MPIG6B: variants seen among roughly 807,000 people sequenced by gnomAD.
MPIG6B encodes immunoglobulin receptor.
MPIG6B carries 22 observed loss-of-function variants against 24.2 expected under a neutral mutation model. The ratio of observed to expected loss-of-function variants is 0.91; its 90% CI spans 0.65 to 1.30. The LOEUF (loss-of-function observed/expected upper bound fraction) is 1.30, where lower values mean the gene tolerates loss of function less well. Ranked by LOEUF, MPIG6B falls within the 50% of genes most tolerant of loss-of-function variation. MPIG6B has a pLI of 0.00. For synonymous variants in MPIG6B, 136 were observed against 142.0 expected (o/e 0.96, Z 0.30); for missense variants, 301 against 318.5 (o/e 0.94, Z 0.42).
chr6:31,724,529 C>A (rs1807158975), intron 3 of MPIG6B, 58 bp from the exon 4 acceptor site: 2 of 1,476,062 alleles, frequency 1.4e-6, no homozygotes, highest in Non-Finnish European at 1.9e-6. Flanking sequence ...GTGGCGAGTC[C>A]CAGGAGAACC....
rs144674065 is a variant in MPIG6B, at chr6:31,724,598, C to G, written c.512C>G (p.Pro171Arg). ...LVWWLHRRLP[P>R]QPIRPLPRFA... is the part of the protein sequence containing the mutation. ...TATGTCCCTTACAGGCGCCTGCCCC[C>G]GCAACCGATTCGACCACTCCCTAGA... Residue 171 changes from proline (P) to arginine (R), a missense_variant, in exon 4 of 6, where the codon CCG (proline) becomes CGG (arginine). Coordinates refer to ENST00000649779, the MANE Select transcript of MPIG6B (RefSeq NM_138272.3). 2.3e-5 allele frequency: 37 copies of G among 1,613,754 alleles called. No individual in the cohort carries two copies. The highest frequency in any genetic ancestry group is 2.1e-4 in the African/African-American group (16 of 74,906).
upstream of MPIG6B, among the ~76,000 whole-genome samples, chr6:31,721,234 G>A (rs1035620026): frequency 6.6e-6 from 1 of 152,130 alleles, no homozygotes; most frequent in African/African-American, 2.4e-5. Context: ...GTCTTCGAGA[G>A]GACACCTTAC....
upstream of MPIG6B, chr6:31,723,086 G>A (rs1014571805): frequency 6.1e-6 from 3 of 492,850 alleles, no homozygotes; most frequent in African/African-American, 3.9e-5. This position sits in a 1 kb window ranked among gnomAD's most constrained non-coding sequence, Gnocchi z 4.3. Flanking sequence ...GAGCTCAAGC[G>A]ATCCTCCCTC....
At position 31,725,113 on chromosome 6, in the gene MPIG6B, C is replaced by A; in HGVS notation, c.*39C>A. On this transcript the variant is annotated 3_prime_UTR_variant, in exon 6 of 6. Coordinates refer to ENST00000649779, the MANE Select transcript of MPIG6B (RefSeq NM_138272.3). This position sits in a 1 kb window ranked among gnomAD's most constrained non-coding sequence, Gnocchi z 5.2. ...CTCCAAACCTCCCAAGCTAGGGGAT[C>A]CCAGCTCCCCATAATCCCTCTCCCC... 6.9e-7 allele frequency: 1 copy of A among 1,441,168 alleles called. No homozygotes were observed. The highest frequency in any genetic ancestry group is 9.8e-7 in the Non-Finnish European group (1 of 1,025,138). The allele number at this position is 1,441,168 out of a possible 1,614,324, so 89.3% of individuals were successfully genotyped here.
chr6:31,723,298 C>A, upstream of MPIG6B: 1 of 940,776 alleles, frequency 1.1e-6, no homozygotes, highest in Non-Finnish European at 1.6e-6. This position sits in a 1 kb window ranked among gnomAD's most constrained non-coding sequence, Gnocchi z 4.3. Context: ...CCTCCGTTCT[C>A]CCCACGCCTA....
upstream of MPIG6B, chr6:31,723,315 C>T: frequency 7.2e-7 from 1 of 1,390,946 alleles, no homozygotes; most frequent in Non-Finnish European, 1.0e-6. This position sits in a 1 kb window ranked among gnomAD's most constrained non-coding sequence, Gnocchi z 4.3. Flanking sequence ...CCTAACTTCC[C>T]TCCGGTCCCC....
chr6:31,720,973 C>T (rs1806741923), upstream of MPIG6B: 1 of 152,262 alleles, frequency 6.6e-6, no homozygotes. This position sits in a 1 kb window ranked among gnomAD's most constrained non-coding sequence, Gnocchi z 4.9. Context: ...TCCACTTCAC[C>T]CTGGAGGTAA....
At position 31,725,076 on chromosome 6, in the gene MPIG6B, G is replaced by A. The variant is rs775522581; in HGVS notation, c.*2G>A. ...ACCATCTATGCAGTTGTAGTTTGAA[G>A]GGAAGCCCTTACTCCAAACCTCCCA... is the stretch of plus-strand genomic sequence containing the variant. On this transcript the variant is annotated 3_prime_UTR_variant, in exon 6 of 6. Coordinates refer to ENST00000649779, the MANE Select transcript of MPIG6B (RefSeq NM_138272.3). The surrounding 1 kb of genome is among the most constrained non-coding windows in gnomAD (Gnocchi z 5.2). 1.9e-6 allele frequency: 3 copies of A among 1,610,744 alleles called. No homozygotes were observed. The highest frequency in any genetic ancestry group is 2.5e-6 in the Non-Finnish European group (3 of 1,177,944).
upstream of MPIG6B, among the ~76,000 whole-genome samples, chr6:31,722,176 T>C (rs1435829335): frequency 2.0e-5 from 3 of 152,150 alleles, no homozygotes; most frequent in Non-Finnish European, 4.4e-5. Context: ...TGGTGGAAAT[T>C]GGGGGAGGAA....
At chr6:31,723,041 G>A, upstream of MPIG6B, 2 of 415,192 alleles carry the variant, frequency 4.8e-6, no homozygotes, top group Non-Finnish European at 8.9e-6. The surrounding 1 kb of genome is among the most constrained non-coding windows in gnomAD (Gnocchi z 4.3). Flanking sequence ...GGAGTGCAAT[G>A]GCCTGATCAC....
upstream of MPIG6B, among the ~76,000 whole-genome samples, chr6:31,720,451 C>A (rs1305027244): frequency 6.6e-6 from 1 of 152,094 alleles, no homozygotes; most frequent in African/African-American, 2.4e-5. The surrounding 1 kb of genome is among the most constrained non-coding windows in gnomAD (Gnocchi z 4.9). Context: ...TCACTCCACC[C>A]CGTTTGGAGG....
At position 31,723,690 on chromosome 6, in the gene MPIG6B, T is replaced by C. The variant is rs771642541; in HGVS notation, c.113T>C (p.Val38Ala). ...GDRVNLSCGG[V>A]SHPIRWVWAP... ...CGGGTGAATCTCTCCTGCGGAGGAG[T>C]CTCTCATCCCATCCGCTGGGTCTGG... is the stretch of plus-strand genomic sequence containing the variant. The change falls in exon 2 of 6, where the codon GTC becomes GCC. Residue 38 changes from valine (V) to alanine (A), a missense_variant. Val to Ala is a moderately conservative substitution (Grantham distance 64, BLOSUM62 0). Coordinates refer to ENST00000649779, the MANE Select transcript of MPIG6B (RefSeq NM_138272.3). The surrounding 1 kb of genome is among the most constrained non-coding windows in gnomAD (Gnocchi z 4.3). The C allele has an allele frequency of 5.6e-6, 9 of 1,603,950 alleles. No homozygotes were observed. The South Asian group carries it at 1.0e-4, about 18-fold the overall frequency.
In MPIG6B at chr6:31,723,888, G is replaced by A; in HGVS notation, c.311G>A (p.Gly104Asp). ...LELLLSAGDS[G>D]TFFCKGRHED... ...CTCCTCTTGAGCGCGGGGGACTCGG[G>A]CACTTTTTTCTGCAAGGGCCGCCAC... The change falls in exon 2 of 6, where the codon GGC becomes GAC. Residue 104 changes from glycine (G) to aspartate (D), a missense_variant. Transcript: ENST00000649779. This position sits in a 1 kb window ranked among gnomAD's most constrained non-coding sequence, Gnocchi z 4.3. 1.2e-6 allele frequency: 2 copies of A among 1,608,406 alleles called. No homozygotes were observed. Among genetic ancestry groups the A allele is most frequent in the South Asian group, 1.1e-5 (1 of 90,522 alleles).
intron 2 of MPIG6B, 44 bp downstream of exon 2, chr6:31,724,030 A>T: frequency 1.3e-6 from 2 of 1,562,920 alleles, no homozygotes; most frequent in Non-Finnish European, 1.7e-6. Flanking sequence ...ACTCCGACAC[A>T]TACCCGGAGG....
Position 31,725,255 on chromosome 6 carries a change from A to C in MPIG6B, c.*181A>C. The C allele has an allele frequency of 3.4e-6, 2 of 585,896 alleles. No individual in the cohort carries two copies. The highest frequency in any genetic ancestry group is 3.1e-5 in the Admixed American group (1 of 32,372). The allele number at this position is 585,896 out of a possible 1,614,324, so 36.3% of individuals were successfully genotyped here. On this transcript the variant is annotated 3_prime_UTR_variant, in exon 6 of 6. Coordinates refer to ENST00000649779, the MANE Select transcript of MPIG6B (RefSeq NM_138272.3). The surrounding 1 kb of genome is among the most constrained non-coding windows in gnomAD (Gnocchi z 5.2). ...TGCCACTGGTCTTACTTCTAAACTT[A>C]CTCCCATCTCTCCTATAACCTCCAT...
upstream of MPIG6B, among the ~76,000 whole-genome samples, chr6:31,722,845 CAAAA>C (rs9281563): frequency 1.3e-5 from 1 of 74,580 alleles, no homozygotes; most frequent in East Asian, 3.8e-4. Context: ...GACTCTGACT[CAAAA>C]AAAAAAAAAA....
rs773692990 is a variant in MPIG6B at position 31,723,474 on chromosome 6, A to G, written c.61+30A>G. 1 of 1,600,998 alleles carries G rather than the reference A, an allele frequency of 6.2e-7. No individual in the cohort carries two copies. ...GCGATCCCTGGGAGAGTTGTGATAG[A>G]CGCAGAGGGGCTGAAGCAAGATAAG... On this transcript the variant is annotated intron_variant, in intron 1 of 5. Coordinates refer to ENST00000649779, the MANE Select transcript of MPIG6B (RefSeq NM_138272.3). The surrounding 1 kb of genome is among the most constrained non-coding windows in gnomAD (Gnocchi z 4.3).
rs773313019 is a variant in MPIG6B at position 31,723,956 on chromosome 6, A to G, written c.379A>G (p.Thr127Ala). 3 of 1,557,290 alleles carry G rather than the reference A, an allele frequency of 1.9e-6. No homozygotes were observed. Among genetic ancestry groups the G allele is most frequent in the Non-Finnish European group, 1.7e-6 (2 of 1,149,758 alleles). The change falls in exon 2 of 6, where the codon ACC (threonine) becomes GCC (alanine). Residue 127 changes from threonine (T) to alanine (A), a missense_variant. Transcript: ENST00000649779. This position sits in a 1 kb window ranked among gnomAD's most constrained non-coding sequence, Gnocchi z 4.3. ...RTVLHVLGDR[T>A]YCKAPGPTHG... ...AGTGCTTCACGTGCTGGGGGACAGGACCTATTGCAAGGCCCCCGGGCCTAC... is the reference window on the plus strand; with the variant it reads ...AGTGCTTCACGTGCTGGGGGACAGGGCCTATTGCAAGGCCCCCGGGCCTAC...
upstream of MPIG6B, among the ~76,000 whole-genome samples, chr6:31,722,719 G>C (rs1806889559): frequency 6.6e-6 from 1 of 151,774 alleles, no homozygotes; most frequent in African/African-American, 2.4e-5. Context: ...GTCAGGTGTG[G>C]TGGCATGCAC....
Sources: allele counts gnomAD v4.1 joint callset (sites outside exome capture counted in the v4.1 genomes callset), GRCh38; gene constraint gnomAD v4.1.1; non-coding constraint Gnocchi (gnomAD v3.1); transcripts MANE v1.5; gene names NCBI Gene and HGNC (gene_info 2026-07-23, HGNC 2026-07-21).